Variants in ETV3L observed in about 807,000 individuals in gnomAD.
The protein encoded by ETV3L is ETS variant transcription factor 3 like, also known as ETS translocation variant 3-like protein.
A neutral mutation model predicts 27.6 loss-of-function variants in ETV3L; 30 were observed. That is an observed-to-expected ratio of 1.09 (90% CI 0.81 to 1.48). The LOEUF (loss-of-function observed/expected upper bound fraction) is 1.48. Ranked by LOEUF, ETV3L falls within the 40% of genes most tolerant of loss-of-function variation. The pLI is 0.00. For synonymous variants in ETV3L, 186 were observed against 188.9 expected, an observed-to-expected ratio of 0.98 and a Z score of 0.12; for missense variants, 443 against 455.6, an observed-to-expected ratio of 0.97 and a Z score of 0.25.
chr1:157,099,452 G>A lies in ETV3L; in HGVS notation c.58+14C>T, dbSNP rs1296519253. 8 of 1,613,832 alleles carry A rather than the reference G, an allele frequency of 5.0e-6. No homozygotes were observed. The highest frequency in any genetic ancestry group is 6.8e-6 in the Non-Finnish European group (8 of 1,179,954). ...ACCGTTGGAGCAGGGGGTAGGCCCG[G>A]CCAAGAGGCTCACCTGAGATCCAGT... On this transcript the variant is annotated intron_variant, in intron 1 of 4. Coordinates refer to ENST00000454449, the MANE Select transcript of ETV3L (RefSeq NM_001004341.2).
intron 4 of ETV3L, among the ~76,000 whole-genome samples, chr1:157,093,639 A>G (rs532550645): frequency 1.3e-5 from 2 of 151,988 alleles, no homozygotes; most frequent in East Asian, 3.9e-4. Flanking sequence ...CTACATGTGC[A>G]TGCCACCACA....
rs758730577 is a variant in ETV3L, at chr1:157,092,644, T to C, written c.*5A>G. Reference sequence around the variant, plus strand: ...TCCTCCCCAACTTCCCACCTTCCTCTCTAGTTAAGGAGGATCCAAGGGCCA... The same window carrying C: ...TCCTCCCCAACTTCCCACCTTCCTCCCTAGTTAAGGAGGATCCAAGGGCCA... On this transcript the variant is annotated 3_prime_UTR_variant, in exon 5 of 5. Transcript: ENST00000454449. 6.3e-7 allele frequency: 1 copy of C among 1,582,832 alleles called. No homozygotes were observed. Among genetic ancestry groups the C allele is most frequent in the South Asian group, 1.2e-5 (1 of 86,510 alleles).
chr1:157,099,089 C>A, intron 2 of ETV3L, 52 bp downstream of exon 2: 1 of 1,604,666 alleles, frequency 6.2e-7, no homozygotes, highest in Admixed American at 1.7e-5. Flanking sequence ...GAAACCACGG[C>A]CCTTTTCCTT....
At chr1:157,093,485 CT>C (rs1173349419) in intron 4 of ETV3L, among the ~76,000 whole-genome samples, 6 of 150,888 alleles carry the variant, frequency 4.0e-5, no homozygotes, top group African/African-American at 1.2e-4. Flanking sequence ...TTTCTTTTTT[CT>C]TTTTTTTCTT....
rs769353508 is a variant in ETV3L at position 157,098,698 on chromosome 1, G to A, written c.486+8C>T. 1.1e-5 allele frequency: 17 copies of A among 1,580,298 alleles called. No individual in the cohort carries two copies. The highest frequency in any genetic ancestry group is 1.4e-5 in the Non-Finnish European group (16 of 1,163,576). The stretch of plus-strand genomic sequence containing the variant: ...GAGCCCTGAGACAGGGGCCACCTCC[G>A]CTCTTACCTCACTCTGCACACCCAC... On this transcript the variant is annotated splice_region_variant and intron_variant, in intron 3 of 4. Transcript: ENST00000454449.
intron 1 of ETV3L, 23 bp from the exon 2 acceptor site, chr1:157,099,401 G>A (rs761901267): frequency 4.3e-6 from 7 of 1,614,116 alleles, no homozygotes; most frequent in Non-Finnish European, 5.9e-6. Context: ...GGGAGAGTGA[G>A]GGCTCTGGAG....
intron 4 of ETV3L, among the ~76,000 whole-genome samples, chr1:157,096,380 C>G (rs1412748836): frequency 1.3e-5 from 2 of 152,208 alleles, no homozygotes; most frequent in African/African-American, 4.8e-5. Flanking sequence ...GCCCCTAGGA[C>G]AGTGCCTGGC....
At chr1:157,099,434 G>A (rs1477172905) in intron 1 of ETV3L, 32 bp downstream of exon 1, 2 of 1,614,078 alleles carry the variant, frequency 1.2e-6, no homozygotes, top group Non-Finnish European at 1.7e-6. Context: ...GCCACCGTTG[G>A]AGCAGGGGGT....
chr1:157,094,143 G>A (rs949101288), intron 4 of ETV3L, among the ~76,000 whole-genome samples: 6 of 152,198 alleles, frequency 3.9e-5, no homozygotes, highest in African/African-American at 7.2e-5. Context: ...TGCAGCAAGG[G>A]CCTCCAGTCT....
chr1:157,093,328 C>T (rs919752039), intron 4 of ETV3L, among the ~76,000 whole-genome samples: 3 of 152,060 alleles, frequency 2.0e-5, no homozygotes, highest in Middle Eastern at 3.2e-3. Context: ...TGAACCCCAC[C>T]TGGGTTCAAA....
intron 4 of ETV3L, 51 bp downstream of exon 4, chr1:157,097,817 T>G: frequency 1.2e-6 from 2 of 1,605,850 alleles, no homozygotes; most frequent in South Asian, 1.1e-5. Flanking sequence ...AGGAGGGCCC[T>G]CCCTCCTCTG....
At chr1:157,095,804 G>A (rs141233002) in intron 4 of ETV3L, among the ~76,000 whole-genome samples, 163 of 152,278 alleles carry the variant, frequency 1.1e-3, no homozygotes, top group African/African-American at 3.7e-3. Flanking sequence ...TGCAGAGCTT[G>A]GGCCCCCAGC....
intron 4 of ETV3L, among the ~76,000 whole-genome samples, chr1:157,097,030 C>A (rs1288635931): frequency 6.6e-6 from 1 of 152,160 alleles, no homozygotes; most frequent in East Asian, 1.9e-4. Flanking sequence ...GCTTGTGCGG[C>A]CTCTGTGGCC....
intron 4 of ETV3L, among the ~76,000 whole-genome samples, chr1:157,094,758 C>T (rs1010761856): frequency 1.3e-5 from 2 of 151,928 alleles, no homozygotes; most frequent in Admixed American, 1.3e-4. Context: ...ACTAAAAATA[C>T]AAAAATTAGC....
intron 4 of ETV3L, among the ~76,000 whole-genome samples, chr1:157,094,330 CCTT>C (rs1674180260): frequency 6.6e-6 from 1 of 152,204 alleles, no homozygotes; most frequent in Admixed American, 6.5e-5. Flanking sequence ...GCCCCAGCCT[CCTT>C]CTTCTCTGTC....
In ETV3L at chr1:157,097,936, C is replaced by T; in HGVS notation, c.539G>A (p.Gly180Glu). 6.2e-7 allele frequency: 1 copy of T among 1,613,718 alleles called. No homozygotes were observed. The highest frequency in any genetic ancestry group is 8.5e-7 in the Non-Finnish European group (1 of 1,179,872). ...TGGTGGCCCTCGGGGGGTCTGCTGT[C>T]CTGTCAGCTGCTCCACCATGGCCTG... is the stretch of plus-strand genomic sequence containing the variant. ...AHQAMVEQLTGQQTPRGPPET... is the reference protein window; with the variant it reads ...AHQAMVEQLTEQQTPRGPPET... Residue 180 changes from glycine to glutamate, a missense_variant, in exon 4 of 5, where the codon GGA (glycine) becomes GAA (glutamate). Gly to Glu is a moderately conservative substitution (Grantham distance 98). Coordinates refer to ENST00000454449, the MANE Select transcript of ETV3L (RefSeq NM_001004341.2).
rs755581979 is a variant in ETV3L at position 157,099,447 on chromosome 1, G to T, written c.58+19C>A. The T allele has an allele frequency of 6.2e-6, 10 of 1,613,912 alleles. No homozygotes were observed. In the African/African-American group the frequency reaches 9.3e-5, roughly 15 times the overall value. ...AGGCCACCGTTGGAGCAGGGGGTAG[G>T]CCCGGCCAAGAGGCTCACCTGAGAT... On this transcript the variant is annotated intron_variant, in intron 1 of 4. Transcript: ENST00000454449.
rs1441168694 is a variant in ETV3L at position 157,099,330 on chromosome 1, G to A, written c.107C>T (p.Ser36Phe). 1 of 1,614,224 alleles carries A rather than the reference G, an allele frequency of 6.2e-7. No individual in the cohort carries two copies. Among genetic ancestry groups the A allele is most frequent in the South Asian group, 1.1e-5 (1 of 91,084 alleles). Residue 36 changes from serine (S) to phenylalanine (F), a missense_variant, in exon 2 of 5, where the codon TCC becomes TTC. Physicochemically the swap from Ser to Phe is radical, Grantham distance 155. Coordinates refer to ENST00000454449, the MANE Select transcript of ETV3L (RefSeq NM_001004341.2). ...GAAGTGCCACAGCTGGATCTGCCGG[G>A]AGCCTGGGGACGACTCGGCTTTGTA... ...WAYKAESSPG[S>F]RQIQLWHFIL...
rs182688176 is a variant in ETV3L at position 157,097,306 on chromosome 1, T to C, written c.607+562A>G. On this transcript the variant is annotated intron_variant, in intron 4 of 4. Transcript: ENST00000454449. ...TGGCCAACATGGTGAAACCCCGTCT[T>C]TACTAAAAATACAAAAATTAGCTGG... Among the ~76,000 whole-genome samples the C allele has an allele frequency of 7.3e-3, 1,108 of 151,100 alleles. 6 individuals are homozygous for C. Among genetic ancestry groups the C allele is most frequent in the Non-Finnish European group, 0.011 (725 of 67,730 alleles).
Sources: allele counts gnomAD v4.1 joint callset (sites outside exome capture counted in the v4.1 genomes callset), GRCh38; gene constraint gnomAD v4.1.1; transcripts MANE v1.5; gene names NCBI Gene and HGNC (gene_info 2026-07-23, HGNC 2026-07-21).